Variants in SGCZ observed in about 807,000 individuals in gnomAD.
SGCZ encodes sarcoglycan zeta.
A neutral mutation model predicts 41.3 loss-of-function variants in SGCZ; 40 were observed. That is an observed-to-expected ratio of 0.97 (90% confidence interval 0.75 to 1.26). The LOEUF (loss-of-function observed/expected upper bound fraction) is 1.26, where lower values mean the gene tolerates loss of function less well. Among genes scored for constraint, SGCZ ranks in the 50% most tolerant of loss-of-function variants. The pLI is 0.00. For missense variants in SGCZ, 552 were observed against 369.8 expected (o/e 1.49, Z -4.04); for synonymous variants, 206 against 137.5 (o/e 1.50, Z -3.49).
chr8:14,119,923 T>G (rs777587777), intron 5 of SGCZ, among the ~76,000 whole-genome samples: 1 of 152,190 alleles, frequency 6.6e-6, no homozygotes, highest in African/African-American at 2.4e-5. Context: ...CACTTGATTG[T>G]GGTGGATAAA....
At chr8:14,608,634 G>C (rs925402916) in intron 1 of SGCZ, among the ~76,000 whole-genome samples, 3 of 71,952 alleles carry the variant, frequency 4.2e-5, no homozygotes, top group South Asian at 6.4e-4. Context: ...TTTCTCAATG[G>C]TCATCGACAT....
At chr8:14,726,264 A>C (rs1370469714) in intron 1 of SGCZ, among the ~76,000 whole-genome samples, 3 of 145,264 alleles carry the variant, frequency 2.1e-5, no homozygotes, top group African/African-American at 7.5e-5. Context: ...CTCTGTCTCA[A>C]AAAAAAAAAA....
At chr8:14,158,986 C>G (rs1266951815) in intron 5 of SGCZ, among the ~76,000 whole-genome samples, 1 of 152,164 alleles carries the variant, frequency 6.6e-6, no homozygotes, top group Non-Finnish European at 1.5e-5. Flanking sequence ...CCAGGCTGGT[C>G]TCAAACTTCT....
At chr8:14,852,486 A>C (rs895804876) in intron 1 of SGCZ, among the ~76,000 whole-genome samples, 5 of 152,204 alleles carry the variant, frequency 3.3e-5, no homozygotes, top group Non-Finnish European at 5.9e-5. Context: ...AAGTCTAATC[A>C]AAATCAAAAA....
chr8:14,687,658 T>C (rs1034605571), intron 1 of SGCZ, among the ~76,000 whole-genome samples: 7 of 151,934 alleles, frequency 4.6e-5, no homozygotes, highest in Admixed American at 6.6e-5. Flanking sequence ...TAAACATACA[T>C]GTGCATGTGT....
rs181213379 is a variant in SGCZ at position 14,796,981 on chromosome 8, C to T, written c.40-242055G>A. 1.6e-4 allele frequency among the ~76,000 whole-genome samples: 24 copies of T among 152,310 alleles called. No individual in the cohort carries two copies. In the East Asian group the frequency reaches 2.5e-3, roughly 16 times the overall value. ...GTAAGTTTCCTGATGCCTCCCCAGC[C>T]GTGCTGAACCACAAGTCAATTAAAC... On this transcript the variant is annotated intron_variant, in intron 1 of 7. Coordinates refer to ENST00000382080, the MANE Select transcript of SGCZ (RefSeq NM_139167.4).
At chr8:14,720,418 A>G (rs1809845020) in intron 1 of SGCZ, among the ~76,000 whole-genome samples, 1 of 152,128 alleles carries the variant, frequency 6.6e-6, no homozygotes, top group East Asian at 1.9e-4. Flanking sequence ...AATTTTTCTA[A>G]ATAAAACAGT....
rs374999544 is a variant in SGCZ at position 14,585,021 on chromosome 8, T to C, written c.40-30095A>G. 5.3e-5 allele frequency among the ~76,000 whole-genome samples: 8 copies of C among 152,184 alleles called. No individual in the cohort carries two copies. The East Asian group carries it at 7.7e-4, about 15-fold the overall frequency. On this transcript the variant is annotated intron_variant, in intron 1 of 7. Transcript: ENST00000382080. ...ATTGGGCTACAAGAAATAGAAAAAATCTAACTCATTCAACTTACAGGATGA... is the reference window on the plus strand; with the variant it reads ...ATTGGGCTACAAGAAATAGAAAAAACCTAACTCATTCAACTTACAGGATGA...
rs143968500 is a variant in SGCZ, at chr8:14,462,118, T to C, written c.234+92614A>G. On this transcript the variant is annotated intron_variant, in intron 2 of 7. Transcript: ENST00000382080. ...TATCCAGAATAATTGACTCTTCTCA[T>C]AGACATGTTTTAAATATTTAACATT... Among the ~76,000 whole-genome samples the C allele has an allele frequency of 9.5e-3, 1,453 of 152,166 alleles. 5 individuals carry two copies. The highest frequency in any genetic ancestry group is 0.014 in the Non-Finnish European group (965 of 67,952).
intron 1 of SGCZ, among the ~76,000 whole-genome samples, chr8:15,147,654 G>C (rs937609775): frequency 3.3e-5 from 5 of 152,130 alleles, no homozygotes; most frequent in Non-Finnish European, 7.4e-5. Flanking sequence ...TATGTAGAAT[G>C]CATGAGGAAA....
chr8:14,476,103 T>C (rs1459919121), intron 2 of SGCZ, among the ~76,000 whole-genome samples: 1 of 152,176 alleles, frequency 6.6e-6, no homozygotes, highest in African/African-American at 2.4e-5. Flanking sequence ...CTGATGGTTA[T>C]TCTTATGAGT....
At chr8:14,802,836 C>G (rs1423128247) in intron 1 of SGCZ, among the ~76,000 whole-genome samples, 1 of 152,094 alleles carries the variant, frequency 6.6e-6, no homozygotes, top group Non-Finnish European at 1.5e-5. Flanking sequence ...GCAAATGGCT[C>G]ATTAACACCA....
At chr8:14,570,892 A>T (rs1309492335) in intron 1 of SGCZ, among the ~76,000 whole-genome samples, 2 of 152,224 alleles carry the variant, frequency 1.3e-5, no homozygotes, top group African/African-American at 4.8e-5. Context: ...ACTAGAAGCG[A>T]TAAGAAAGAA....
intron 1 of SGCZ, among the ~76,000 whole-genome samples, chr8:14,740,042 G>T (rs544685165): frequency 6.6e-6 from 1 of 151,844 alleles, no homozygotes; most frequent in East Asian, 1.9e-4. Flanking sequence ...TATTCTGTGG[G>T]GATGGGGTCA....
intron 1 of SGCZ, among the ~76,000 whole-genome samples, chr8:14,562,959 AAGGAGGAGT>A (rs1370067353): frequency 6.6e-6 from 1 of 152,194 alleles, no homozygotes; most frequent in East Asian, 1.9e-4. Context: ...GGGCTACCCA[AAGGAGGAGT>A]AGTATAGACA....
intron 1 of SGCZ, among the ~76,000 whole-genome samples, chr8:14,976,332 T>C (rs1303575857): frequency 1.3e-5 from 2 of 152,044 alleles, no homozygotes; most frequent in South Asian, 2.1e-4. Context: ...CCTCCCTATA[T>C]ATTTTGACTA....
intron 1 of SGCZ, among the ~76,000 whole-genome samples, chr8:15,161,144 C>G (rs1799501856): frequency 6.6e-6 from 1 of 151,974 alleles, no homozygotes; most frequent in African/African-American, 2.4e-5. Flanking sequence ...CATTCTTCAC[C>G]CTCCTCCTGT....
intron 5 of SGCZ, among the ~76,000 whole-genome samples, chr8:14,133,357 C>T (rs1159190500): frequency 6.6e-6 from 1 of 152,184 alleles, no homozygotes; most frequent in Non-Finnish European, 1.5e-5. Context: ...ATTAATTCAG[C>T]TTGCATTGTT....
At chr8:14,239,901 C>CA (rs71209029) in intron 3 of SGCZ, among the ~76,000 whole-genome samples, 6 of 41,376 alleles carry the variant, frequency 1.5e-4, no homozygotes, top group African/African-American at 1.2e-3. Flanking sequence ...GACTCCGTCT[C>CA]AAAAAAAAAA....
Sources: allele counts gnomAD v4.1 joint callset (sites outside exome capture counted in the v4.1 genomes callset), GRCh38; gene constraint gnomAD v4.1.1; transcripts MANE v1.5; gene names NCBI Gene and HGNC (gene_info 2026-07-23, HGNC 2026-07-21).